DYNC1I1: variants seen among roughly 807,000 people sequenced by gnomAD.
The protein encoded by DYNC1I1 is cytoplasmic dynein 1 intermediate chain 1.
Under a neutral mutation model 86.6 loss-of-function variants are expected in DYNC1I1, and 43 were observed. That is an observed-to-expected ratio of 0.50 (90% CI 0.39 to 0.64). The LOEUF (loss-of-function observed/expected upper bound fraction) is 0.64. Among genes scored for constraint, DYNC1I1 ranks in the 30% least tolerant of loss-of-function variants. The probability of loss-of-function intolerance (pLI) is 0.00; values close to 1 mark genes in which losing one functional copy is unlikely to be tolerated. For missense variants in DYNC1I1, 604 were observed against 788.8 expected (o/e 0.77, Z 2.81); for synonymous variants, 262 against 283.7 (o/e 0.92, Z 0.77).
chr7:95,935,278 TCATTCATG>T (rs1481335507), intron 6 of DYNC1I1, among the ~76,000 whole-genome samples: 1 of 152,068 alleles, frequency 6.6e-6, no homozygotes, highest in African/African-American at 2.4e-5. Flanking sequence ...TCCCCAACAT[TCATTCATG>T]ATGTCACATA....
intron 10 of DYNC1I1, among the ~76,000 whole-genome samples, chr7:95,997,459 A>T (rs1050400502): frequency 6.6e-6 from 1 of 152,128 alleles, no homozygotes; most frequent in Non-Finnish European, 1.5e-5. Context: ...AATATGTATG[A>T]TCTTTATCAT....
intron 14 of DYNC1I1, among the ~76,000 whole-genome samples, chr7:96,043,102 G>A (rs1450649202): frequency 1.3e-5 from 2 of 150,736 alleles, no homozygotes; most frequent in African/African-American, 2.4e-5. Flanking sequence ...CAGGGATTCA[G>A]AGGTTGTAGT....
rs1368843632 is a variant in DYNC1I1 at position 95,966,865 on chromosome 7, A to C, written c.491-10647A>C. ...CAAACAAGAAAGGACCGTGAACCTC[A>C]TAGTGGGTGCAGGGAGGCACGGGGT... On this transcript the variant is annotated intron_variant, in intron 6 of 16. Transcript: ENST00000447467. Among the ~76,000 whole-genome samples, 3 of 152,220 alleles carry C rather than the reference A, an allele frequency of 2.0e-5. No individual in the cohort carries two copies. In the East Asian group the frequency reaches 5.8e-4, roughly 29 times the overall value.
chr7:96,040,005 G>A (rs1788988721), intron 14 of DYNC1I1, among the ~76,000 whole-genome samples: 1 of 152,102 alleles, frequency 6.6e-6, no homozygotes, highest in Non-Finnish European at 1.5e-5. Flanking sequence ...AGGCCGAGGT[G>A]GGTGGATCGC....
At chr7:95,858,204 A>G (rs192479985) in intron 5 of DYNC1I1, among the ~76,000 whole-genome samples, 1 of 152,348 alleles carries the variant, frequency 6.6e-6, no homozygotes, top group African/African-American at 2.4e-5. Flanking sequence ...CCACCTTTGT[A>G]GTCCTTAATT....
At chr7:95,804,661 C>T in intron 1 of DYNC1I1, 60 bp from the exon 2 acceptor site, 1 of 1,441,206 alleles carries the variant, frequency 6.9e-7, no homozygotes, top group Non-Finnish European at 9.2e-7. Context: ...ATGATTTTTG[C>T]AATGATATAC....
chr7:96,101,014 G>T (rs563232650), downstream of DYNC1I1, among the ~76,000 whole-genome samples: 9 of 152,304 alleles, frequency 5.9e-5, no homozygotes, highest in Non-Finnish European at 1.3e-4. Context: ...GGTCAGGGCT[G>T]ATGGTAGGAG....
intron 6 of DYNC1I1, among the ~76,000 whole-genome samples, chr7:95,890,017 G>A (rs1445159399): frequency 1.3e-5 from 2 of 152,186 alleles, no homozygotes; most frequent in Non-Finnish European, 2.9e-5. Flanking sequence ...TAGTTCAACT[G>A]TTGTGGAAAG....
At chr7:95,991,799 T>C (rs1793736695) in intron 9 of DYNC1I1, among the ~76,000 whole-genome samples, 1 of 152,102 alleles carries the variant, frequency 6.6e-6, no homozygotes, top group South Asian at 2.1e-4. Flanking sequence ...CAAGGTCTCA[T>C]TTCTTCTGAG....
chr7:95,887,537 G>A (rs1358887282), intron 6 of DYNC1I1, among the ~76,000 whole-genome samples: 41 of 151,988 alleles, frequency 2.7e-4, no homozygotes, highest in Admixed American at 2.7e-3. Context: ...TTAAAAATGT[G>A]TTTTTACCCC....
intron 3 of DYNC1I1, 67 bp from the exon 4 acceptor site, chr7:95,813,179 AC>A: frequency 6.2e-7 from 1 of 1,606,776 alleles, no homozygotes; most frequent in Non-Finnish European, 8.5e-7. Context: ...GATTTGTCTG[AC>A]ACTGCTCTTC....
chr7:95,827,537 A>T (rs1221679678), intron 4 of DYNC1I1, among the ~76,000 whole-genome samples: 1 of 152,194 alleles, frequency 6.6e-6, no homozygotes, highest in African/African-American at 2.4e-5. Flanking sequence ...TAAGCATAAA[A>T]TACTCATGAG....
intron 6 of DYNC1I1, among the ~76,000 whole-genome samples, chr7:95,927,084 A>G (rs1791765839): frequency 1.3e-5 from 2 of 152,136 alleles, no homozygotes. Flanking sequence ...AGTTTTTAAT[A>G]ATTCTGTTTA....
intron 6 of DYNC1I1, among the ~76,000 whole-genome samples, chr7:95,937,261 A>G (rs1792070640): frequency 6.6e-6 from 1 of 151,672 alleles, no homozygotes; most frequent in African/African-American, 2.4e-5. Flanking sequence ...TAGTGACTAT[A>G]GTTAACCATA....
rs1307475603 is a variant in DYNC1I1, at chr7:96,062,523, G to C, written c.1510-13534G>C. Among the ~76,000 whole-genome samples the C allele has an allele frequency of 5.9e-5, 9 of 151,742 alleles. No individual in the cohort carries two copies. In the East Asian group the frequency reaches 1.7e-3, roughly 29 times the overall value. On this transcript the variant is annotated intron_variant, in intron 14 of 16. Transcript: ENST00000447467. ...TTGTTACTGTAGCATCATTAATACT[G>C]TGTAAATATAAGTTAGTCGCTTCGG...
intron 1 of DYNC1I1, among the ~76,000 whole-genome samples, chr7:95,801,684 T>A (rs901559801): frequency 1.3e-5 from 2 of 152,168 alleles, no homozygotes; most frequent in African/African-American, 4.8e-5. Flanking sequence ...CATTTTTGAC[T>A]GTCAAAAAAT....
chr7:96,055,693 G>A (rs1485465759), intron 14 of DYNC1I1: 1 of 151,788 alleles, frequency 6.6e-6, no homozygotes, highest in African/African-American at 2.4e-5. Context: ...TGTGAAACAA[G>A]GTAAAGAAAT....
chr7:95,981,207 GA>G (rs1329284611), intron 7 of DYNC1I1, among the ~76,000 whole-genome samples: 3 of 151,574 alleles, frequency 2.0e-5, no homozygotes, highest in East Asian at 1.9e-4. Flanking sequence ...TTTATAGAGG[GA>G]AAAAAATCAC....
chr7:95,888,009 C>T (rs1265240670), intron 6 of DYNC1I1, among the ~76,000 whole-genome samples: 4 of 152,222 alleles, frequency 2.6e-5, no homozygotes, highest in Non-Finnish European at 4.4e-5. Flanking sequence ...CACTAACCTT[C>T]CATTTCTCTT....
Sources: gnomAD v4.1 joint callset for allele counts (sites outside exome capture counted in the v4.1 genomes callset) on GRCh38, gnomAD v4.1.1 for gene constraint, MANE v1.5 for transcripts, NCBI Gene and HGNC (gene_info 2026-07-23, HGNC 2026-07-21) for gene names.